Variants in UNC13C observed in about 807,000 individuals in gnomAD.
UNC13C encodes protein unc-13 homolog C.
UNC13C carries 174 observed loss-of-function variants against 245.4 expected under a neutral mutation model. The ratio of observed to expected loss-of-function variants is 0.71; its 90% confidence interval spans 0.63 to 0.80. The LOEUF is 0.80. Ranked by LOEUF, UNC13C falls within the 30% of genes least tolerant of loss-of-function variation. The pLI, the probability that UNC13C is intolerant of heterozygous loss-of-function variation, is 0.00. For synonymous variants in UNC13C, 992 were observed against 895.1 expected (o/e 1.11, Z -1.93); for missense variants, 2,829 against 2,602.9 (o/e 1.09, Z -1.89).
At chr15:54,201,453 A>G (rs1422212338) in intron 4 of UNC13C, among the ~76,000 whole-genome samples, 1 of 152,056 alleles carries the variant, frequency 6.6e-6, no homozygotes, top group Non-Finnish European at 1.5e-5. Context: ...GCATATCAAA[A>G]AGATAATCCA....
intron 19 of UNC13C, among the ~76,000 whole-genome samples, chr15:54,482,592 G>T (rs187802288): frequency 1.0e-3 from 63 of 62,756 alleles, no homozygotes; most frequent in African/African-American, 3.6e-3. Context: ...CGCCTCAGAA[G>T]TTCTCTGTCT....
At chr15:54,212,368 T>A (rs2034906909) in intron 4 of UNC13C, among the ~76,000 whole-genome samples, 3 of 152,112 alleles carry the variant, frequency 2.0e-5, no homozygotes, top group Admixed American at 2.0e-4. Flanking sequence ...TTTAAGTGAC[T>A]CTACTTACAT....
chr15:54,335,309 C>G (rs891720428), intron 16 of UNC13C, among the ~76,000 whole-genome samples: 2 of 152,132 alleles, frequency 1.3e-5, no homozygotes, highest in Non-Finnish European at 2.9e-5. Context: ...GTTCATTTCC[C>G]TTAATAGCAA....
intron 2 of UNC13C, among the ~76,000 whole-genome samples, chr15:54,138,608 A>G (rs143665314): frequency 3.9e-5 from 6 of 152,282 alleles, no homozygotes; most frequent in African/African-American, 9.6e-5. Flanking sequence ...TTTTCAACCC[A>G]TAGTTCTATA....
chr15:54,294,217 G>T (rs556267065), intron 11 of UNC13C, among the ~76,000 whole-genome samples, 153 bp downstream of exon 11: 2 of 152,106 alleles, frequency 1.3e-5, no homozygotes, highest in South Asian at 4.1e-4. Flanking sequence ...ACAAGAAAAG[G>T]CTATTCTTTT....
Position 54,265,374 on chromosome 15 carries a change from A to G in UNC13C, c.3696A>G (p.Leu1232=), listed in dbSNP as rs2036527174. The G allele has an allele frequency of 1.3e-6, 2 of 1,583,714 alleles. No individual in the cohort carries two copies. Among genetic ancestry groups the G allele is most frequent in the Middle Eastern group, 1.7e-4 (1 of 5,994 alleles). ...ITITVVSAQG[L]QAKDKTGSSD... The stretch of plus-strand genomic sequence containing the variant: ...TTTCAGTGGTTTCTGCACAGGGTCT[A>G]CAGGCAAAAGATAAAACAGGGTCTA... The change falls in exon 10 of 33, where the codon CTA becomes CTG. Residue 1232 remains leucine (L), a synonymous_variant. Transcript: ENST00000260323.
chr15:54,150,200 A>T (rs1053347771), intron 4 of UNC13C, among the ~76,000 whole-genome samples: 1 of 152,236 alleles, frequency 6.6e-6, no homozygotes, highest in Non-Finnish European at 1.5e-5. Flanking sequence ...TAGATTTAAC[A>T]AGATTCTTAT....
chr15:54,063,244 C>G (rs529640160), intron 2 of UNC13C, among the ~76,000 whole-genome samples: 2 of 152,220 alleles, frequency 1.3e-5, no homozygotes, highest in African/African-American at 4.8e-5. Flanking sequence ...TCTAACCTGG[C>G]TGATATGCTT....
intron 2 of UNC13C, among the ~76,000 whole-genome samples, chr15:54,069,474 A>G (rs1326536329): frequency 6.6e-6 from 1 of 152,220 alleles, no homozygotes. Context: ...GAAGTTTGTT[A>G]TGTCTGCATA....
intron 2 of UNC13C, among the ~76,000 whole-genome samples, chr15:54,046,086 C>A (rs542228732): frequency 6.6e-6 from 1 of 152,220 alleles, no homozygotes; most frequent in African/African-American, 2.4e-5. Context: ...TTAGAGATTA[C>A]TTCAGTACTT....
intron 4 of UNC13C, among the ~76,000 whole-genome samples, chr15:54,179,733 T>A (rs890573113): frequency 1.3e-5 from 2 of 151,860 alleles, no homozygotes; most frequent in African/African-American, 4.8e-5. Context: ...TATTTAAAAA[T>A]CAAAATAACC....
chr15:53,934,157 C>A, the UNC13C span, among the ~76,000 whole-genome samples: 1 of 152,210 alleles, frequency 6.6e-6, no homozygotes, highest in Non-Finnish European at 1.5e-5. Flanking sequence ...ATCTCACTTG[C>A]TATTGAAAGG....
At chr15:54,052,496 A>G (rs1020673592) in intron 2 of UNC13C, among the ~76,000 whole-genome samples, 1 of 152,006 alleles carries the variant, frequency 6.6e-6, no homozygotes, top group South Asian at 2.1e-4. Context: ...TTTGATTTGC[A>G]TTTCTCTGAT....
At chr15:54,112,470 A>G (rs537719924) in intron 2 of UNC13C, among the ~76,000 whole-genome samples, 4 of 152,270 alleles carry the variant, frequency 2.6e-5, no homozygotes, top group East Asian at 1.9e-4. Context: ...ACCTTAATCT[A>G]TTATGCAAAT....
At position 54,627,838 on chromosome 15, in the gene UNC13C, T is replaced by TATG. The variant is rs1304302802; in HGVS notation, c.*726_*728dup. On this transcript the variant is annotated 3_prime_UTR_variant, in exon 33 of 33. Transcript: ENST00000260323. ...AGTTAATGCATTTGTCATATAGTGT[T>TATG]ATGTCTTGGCTTTACCATATTTCAT... The TATG allele has an allele frequency of 1.3e-5, 2 of 152,612 alleles. No homozygotes were observed. Among genetic ancestry groups the TATG allele is most frequent in the African/African-American group, 4.8e-5 (2 of 41,464 alleles). 9.5% of individuals were successfully genotyped at this position (152,612 alleles called of 1,614,324 possible). A position where few individuals can be genotyped will look rare whatever the true frequency, so the allele number is the denominator to read the frequency against.
At chr15:54,411,602 C>T (rs910188343) in intron 18 of UNC13C, among the ~76,000 whole-genome samples, 1 of 149,650 alleles carries the variant, frequency 6.7e-6, no homozygotes, top group African/African-American at 2.4e-5. Context: ...AAAGACTGTC[C>T]TTTCTTCACT....
intron 22 of UNC13C, among the ~76,000 whole-genome samples, chr15:54,502,162 C>T (rs1444890891): frequency 6.6e-6 from 1 of 152,080 alleles, no homozygotes; most frequent in African/African-American, 2.4e-5. Flanking sequence ...AAGTGCTTGC[C>T]TATATGCCTC....
intron 2 of UNC13C, among the ~76,000 whole-genome samples, chr15:54,044,160 A>G (rs1431546216): frequency 6.6e-6 from 1 of 152,136 alleles, no homozygotes; most frequent in Non-Finnish European, 1.5e-5. Context: ...TTTCATATAA[A>G]TGGAATAATG....
the UNC13C span, among the ~76,000 whole-genome samples, chr15:53,918,887 G>A: frequency 1.3e-5 from 2 of 152,204 alleles, no homozygotes; most frequent in African/African-American, 4.8e-5. Context: ...TTTTGAAAAT[G>A]ATGAGACGAG....
Sources: gnomAD v4.1 joint callset for allele counts (sites outside exome capture counted in the v4.1 genomes callset) on GRCh38, gnomAD v4.1.1 for gene constraint, MANE v1.5 for transcripts, NCBI Gene and HGNC (gene_info 2026-07-23, HGNC 2026-07-21) for gene names.